Variants in MICAL3 observed in about 807,000 individuals in gnomAD.
MICAL3 encodes the protein microtubule associated monooxygenase, calponin and LIM domain containing 3, also known as [F-actin]-monooxygenase MICAL3.
A neutral mutation model predicts 207.4 loss-of-function variants in MICAL3; 62 were observed. The ratio of observed to expected loss-of-function variants is 0.30; its 90% CI spans 0.24 to 0.37. The LOEUF is 0.37. MICAL3 is among the 10% of genes least tolerant of loss of function. MICAL3 has a pLI of 1.00. For synonymous variants in MICAL3, 1,077 were observed against 1,069.3 expected (o/e 1.01, Z -0.14); for missense variants, 2,368 against 2,635.6 (o/e 0.90, Z 2.22).
At chr22:17,915,265 C>G (rs1299010784) in intron 1 of MICAL3, among the ~76,000 whole-genome samples, 4 of 152,206 alleles carry the variant, frequency 2.6e-5, no homozygotes, top group Non-Finnish European at 5.9e-5. Flanking sequence ...GTTCCAGGCA[C>G]ACAGCAGGTG....
In MICAL3 at chr22:17,977,047, C is replaced by T. The variant is rs1190956574; in HGVS notation, c.-75+47234G>A. 2.0e-5 allele frequency among the ~76,000 whole-genome samples: 3 copies of T among 152,152 alleles called. No homozygotes were observed. The East Asian group carries it at 5.8e-4, about 29-fold the overall frequency. ...GATCTCGATCTGACCTTGTGATCCG[C>T]CCACCTCCGCCTCCCAAAGTGCTGG... On this transcript the variant is annotated intron_variant, in intron 1 of 31. Transcript: ENST00000441493.
In MICAL3 at chr22:17,810,719, C is replaced by T. The variant is rs775552569; in HGVS notation, c.5540G>A (p.Arg1847Gln). ...RRQAKQEELK[R>Q]LHRAQIIQRQ... Reference sequence around the variant, plus strand: ...TGGTTTTACCTGGGCTCGATGCAGCCGCTTAAGCTCCTCCTGCTTGGCCTG... The same window carrying T: ...TGGTTTTACCTGGGCTCGATGCAGCTGCTTAAGCTCCTCCTGCTTGGCCTG... The change falls in exon 28 of 32, where the codon CGG becomes CAG. Residue 1847 changes from arginine to glutamine, a missense_variant. Physicochemically the swap from Arg to Gln is conservative, Grantham distance 43. Coordinates refer to ENST00000441493, the MANE Select transcript of MICAL3 (RefSeq NM_015241.3). 23 of 1,613,814 alleles carry T rather than the reference C, an allele frequency of 1.4e-5. No individual in the cohort carries two copies. Among genetic ancestry groups the T allele is most frequent in the South Asian group, 9.9e-5 (9 of 91,076 alleles).
rs1921705302 is a variant in MICAL3, at chr22:17,822,012, C to T, written c.3448+18G>A. On this transcript the variant is annotated intron_variant, in intron 24 of 31. Transcript: ENST00000441493. ...TAGGAATTCTGAAAGTTGTTTCTCC[C>T]ATCAAAGACAGGCTCACCTCTCTCT... 1.2e-6 allele frequency: 2 copies of T among 1,612,188 alleles called. No homozygotes were observed. The highest frequency in any genetic ancestry group is 1.7e-5 in the Admixed American group (1 of 59,792).
chr22:17,962,048 A>C (rs1020944048), intron 1 of MICAL3, among the ~76,000 whole-genome samples: 7 of 152,220 alleles, frequency 4.6e-5, no homozygotes, highest in Non-Finnish European at 1.0e-4. Flanking sequence ...CAAAGATAGG[A>C]AAGTGCTTCT....
rs1924000857 is a variant in MICAL3 at position 17,841,487 on chromosome 22, C to T, written c.2801+335G>A. On this transcript the variant is annotated intron_variant, in intron 20 of 31. Transcript: ENST00000441493. The surrounding 1 kb of genome is among the most constrained non-coding windows in gnomAD (Gnocchi z 4.2). ...CACTGGTGGCTGAATCACCCAGAGTCCCTCCCCGTGTGCCCGTCCTTCCCT... is the reference window on the plus strand; with the variant it reads ...CACTGGTGGCTGAATCACCCAGAGTTCCTCCCCGTGTGCCCGTCCTTCCCT... 1 of 497,722 alleles carries T rather than the reference C, an allele frequency of 2.0e-6. No individual in the cohort carries two copies. Among genetic ancestry groups the T allele is most frequent in the Admixed American group, 3.3e-5 (1 of 30,514 alleles). The allele number at this position is 497,722 out of a possible 1,614,324, so 30.8% of individuals were successfully genotyped here.
At position 17,854,733 on chromosome 22, in the gene MICAL3, C is replaced by T. The variant is rs572835712; in HGVS notation, c.2605+10166G>A. 7.9e-4 allele frequency among the ~76,000 whole-genome samples: 120 copies of T among 152,358 alleles called. 1 individual carries two copies. The highest frequency in any genetic ancestry group is 1.6e-3 in the Admixed American group (25 of 15,306). ...GCAATGCCCCTGGAGGGCACCTGCACATCCCCTACCCCTCCGTCCATGTTT... is the reference window on the plus strand; with the variant it reads ...GCAATGCCCCTGGAGGGCACCTGCATATCCCCTACCCCTCCGTCCATGTTT... On this transcript the variant is annotated intron_variant, in intron 19 of 31. Coordinates refer to ENST00000441493, the MANE Select transcript of MICAL3 (RefSeq NM_015241.3).
chr22:18,003,908 C>A (rs532114889), intron 1 of MICAL3, among the ~76,000 whole-genome samples: 2 of 151,652 alleles, frequency 1.3e-5, no homozygotes, highest in East Asian at 3.9e-4. Context: ...TAGCTGGGAC[C>A]ACAGATACCT....
chr22:17,994,323 T>G (rs887420917), intron 1 of MICAL3, among the ~76,000 whole-genome samples: 22 of 151,796 alleles, frequency 1.4e-4, no homozygotes, highest in African/African-American at 5.3e-4. Flanking sequence ...GTGCCAGGAG[T>G]GAGCACTCTG....
rs1189941087 is a variant in MICAL3 at position 17,790,568 on chromosome 22, T to G, written c.*164A>C. The G allele has an allele frequency of 1.6e-6, 1 of 643,726 alleles. No homozygotes were observed. The highest frequency in any genetic ancestry group is 2.6e-6 in the Non-Finnish European group (1 of 378,514). 39.9% of individuals were successfully genotyped at this position (643,726 alleles called of 1,614,324 possible). On this transcript the variant is annotated 3_prime_UTR_variant, in exon 32 of 32. Coordinates refer to ENST00000441493, the MANE Select transcript of MICAL3 (RefSeq NM_015241.3). Reference sequence around the variant, plus strand: ...TCAGATAACCACTGTCACCTGGGGCTCCCCACTGCACGCGGGACTCGACCA... The same window carrying G: ...TCAGATAACCACTGTCACCTGGGGCGCCCCACTGCACGCGGGACTCGACCA...
intron 16 of MICAL3, among the ~76,000 whole-genome samples, chr22:17,877,175 G>A (rs1466641040): frequency 3.4e-4 from 38 of 112,772 alleles, no homozygotes; most frequent in African/African-American, 9.5e-4. Context: ...AGGTTAGGGA[G>A]GTTAGGGAAG....
rs1174848561 is a variant in MICAL3 at position 17,833,048 on chromosome 22, T to C, written c.2802-941A>G. On this transcript the variant is annotated intron_variant, in intron 20 of 31. Coordinates refer to ENST00000441493, the MANE Select transcript of MICAL3 (RefSeq NM_015241.3). ...CAGCTGCAGGCAAGCGTGGCCGACA[T>C]AGGAAGCCGCACACCTGTAAGAATG... 4.6e-5 allele frequency among the ~76,000 whole-genome samples: 7 copies of C among 152,060 alleles called. No homozygotes were observed. In the East Asian group the frequency reaches 1.2e-3, roughly 25 times the overall value.
intron 19 of MICAL3, chr22:17,864,365 T>G: frequency 7.8e-7 from 1 of 1,277,182 alleles, no homozygotes; most frequent in Non-Finnish European, 1.0e-6. Context: ...CCACAGCTCA[T>G]CCACACACAG....
intron 1 of MICAL3, among the ~76,000 whole-genome samples, chr22:17,971,407 C>T (rs937578431): frequency 3.9e-5 from 6 of 152,062 alleles, no homozygotes; most frequent in Admixed American, 1.3e-4. Flanking sequence ...CGCTTGAACC[C>T]GGGAGGCGGA....
chr22:17,796,816 C>T lies in MICAL3; in HGVS notation c.5651-5515G>A, dbSNP rs578163176. Among the ~76,000 whole-genome samples, 1 of 152,324 alleles carries T rather than the reference C, an allele frequency of 6.6e-6. No individual in the cohort carries two copies. Among genetic ancestry groups the T allele is most frequent in the East Asian group, 1.9e-4 (1 of 5,178 alleles). On this transcript the variant is annotated intron_variant, in intron 29 of 31. Coordinates refer to ENST00000441493, the MANE Select transcript of MICAL3 (RefSeq NM_015241.3). This position sits in a 1 kb window ranked among gnomAD's most constrained non-coding sequence, Gnocchi z 4.4. Reference sequence around the variant, plus strand: ...CTGGCCTTCCTAAGTCGGGGTACCCCCTACACTACCACCTGGCCCTTGGCG... The same window carrying T: ...CTGGCCTTCCTAAGTCGGGGTACCCTCTACACTACCACCTGGCCCTTGGCG...
At chr22:17,853,409 C>G (rs983727808) in intron 19 of MICAL3, among the ~76,000 whole-genome samples, 1 of 152,228 alleles carries the variant, frequency 6.6e-6, no homozygotes, top group Non-Finnish European at 1.5e-5. Context: ...CCTAACCCCA[C>G]AGCAGGCACA....
intron 1 of MICAL3, among the ~76,000 whole-genome samples, chr22:18,018,628 A>G (rs1924226458): frequency 6.6e-6 from 1 of 152,166 alleles, no homozygotes; most frequent in African/African-American, 2.4e-5. Flanking sequence ...AGGCTGAGGC[A>G]GGAGAATCAC....
intron 1 of MICAL3, among the ~76,000 whole-genome samples, chr22:17,998,550 T>A (rs2007962): frequency 0.16 from 23,183 of 142,796 alleles, 2,227 homozygotes; most frequent in East Asian, 0.4. Flanking sequence ...TAATAATAAT[T>A]ATTATTATTA....
chr22:17,856,912 C>T (rs571927998), intron 19 of MICAL3, among the ~76,000 whole-genome samples: 4 of 152,232 alleles, frequency 2.6e-5, no homozygotes, highest in South Asian at 2.1e-4. Flanking sequence ...TGAGCCACCG[C>T]GCCCGGCCGA....
rs376183140 is a variant in MICAL3, at chr22:17,798,550, C to T, written c.5651-7249G>A. 1.6e-4 allele frequency among the ~76,000 whole-genome samples: 25 copies of T among 152,324 alleles called. No individual in the cohort carries two copies. In the South Asian group the frequency reaches 1.9e-3, roughly 11 times the overall value. ...GCAGCCCTTAGCTTACCAGGGTGGA[C>T]TCTCTGGACTCTCATTTCTCACACT... is the stretch of plus-strand genomic sequence containing the variant. On this transcript the variant is annotated intron_variant, in intron 29 of 31. Transcript: ENST00000441493.
Sources: allele counts gnomAD v4.1 joint callset (sites outside exome capture counted in the v4.1 genomes callset), GRCh38; gene constraint gnomAD v4.1.1; non-coding constraint Gnocchi (gnomAD v3.1); transcripts MANE v1.5; gene names NCBI Gene and HGNC (gene_info 2026-07-23, HGNC 2026-07-21).